PDE4DIP: variants seen among roughly 807,000 people sequenced by gnomAD.
PDE4DIP encodes the protein myomegalin.
In PDE4DIP, 59 loss-of-function variants were observed where a neutral mutation model predicts 221.4. That is an observed-to-expected ratio of 0.27 (90% CI 0.22 to 0.33). The LOEUF is 0.33. Among genes scored for constraint, PDE4DIP ranks in the 10% least tolerant of loss-of-function variants. The pLI is 1.00. For synonymous variants in PDE4DIP, 404 were observed against 815.9 expected (o/e 0.50, Z 8.60); for missense variants, 1,036 against 2,154.2 (o/e 0.48, Z 10.28).
At chr1:148,972,819 C>T (rs1436848896) in intron 16 of PDE4DIP, among the ~76,000 whole-genome samples, 8 of 151,216 alleles carry the variant, frequency 5.3e-5, no homozygotes, top group Non-Finnish European at 8.8e-5. Context: ...TATCCTTACT[C>T]TCCTTTTCAG....
At chr1:148,844,311 G>C (rs1272433719) in intron 1 of PDE4DIP, 117 bp from the exon 1 acceptor site, 6 of 657,816 alleles carry the variant, frequency 9.1e-6, no homozygotes, top group Non-Finnish European at 1.2e-5. Flanking sequence ...GGAGACGCGA[G>C]GGTGGTTCAG....
At chr1:148,953,923 A>G (rs782498769) in intron 5 of PDE4DIP, 8 of 1,597,688 alleles carry the variant, frequency 5.0e-6, no homozygotes, top group South Asian at 3.4e-5. Flanking sequence ...AAACGGCTAC[A>G]TAGTGCCTTT....
intron 21 of PDE4DIP, chr1:148,985,192 C>T (rs1553548204): frequency 2.0e-5 from 3 of 152,042 alleles, no homozygotes; most frequent in Admixed American, 6.5e-5. Flanking sequence ...GCTCAGTGAG[C>T]TTTTCTTTTC....
In PDE4DIP at chr1:148,940,588, A is replaced by G. The variant is rs1191205206; in HGVS notation, c.636+2724A>G. ...ATTGCTTATGGCCACCTCAGGACCCATGCACCACCCTGAGAGCTGAGGGGA... is the reference window on the plus strand; with the variant it reads ...ATTGCTTATGGCCACCTCAGGACCCGTGCACCACCCTGAGAGCTGAGGGGA... On this transcript the variant is annotated intron_variant, in intron 5 of 43. Transcript: ENST00000369354. 4.6e-5 allele frequency among the ~76,000 whole-genome samples: 7 copies of G among 152,078 alleles called. No homozygotes were observed. The East Asian group carries it at 9.7e-4, about 21-fold the overall frequency.
chr1:148,969,873 G>A (rs1192811000), intron 14 of PDE4DIP, among the ~76,000 whole-genome samples: 1 of 151,882 alleles, frequency 6.6e-6, no homozygotes, highest in Non-Finnish European at 1.5e-5. Context: ...TGCCCGCTAA[G>A]TTTTGTATTT....
At chr1:148,890,492 GCC>G (rs1698115823) in intron 1 of PDE4DIP, among the ~76,000 whole-genome samples, 1 of 124,838 alleles carries the variant, frequency 8.0e-6, no homozygotes, top group South Asian at 2.8e-4. Flanking sequence ...AGTGGCTCAT[GCC>G]TGTAATCCCA....
At chr1:148,911,944 G>A (rs2042841568) in intron 1 of PDE4DIP, among the ~76,000 whole-genome samples, 1 of 148,954 alleles carries the variant, frequency 6.7e-6, no homozygotes, top group South Asian at 2.1e-4. Flanking sequence ...TCACAGGAGT[G>A]ACATTCCTTC....
chr1:148,967,462 C>T (rs1296397378), intron 12 of PDE4DIP, among the ~76,000 whole-genome samples: 10 of 151,548 alleles, frequency 6.6e-5, no homozygotes, highest in South Asian at 4.2e-4. Flanking sequence ...GCCACTTTTT[C>T]GAGAAATCCT....
rs1553639505 is a variant in PDE4DIP at position 149,032,280 on chromosome 1, C to A, written c.*295C>A. 6.7e-5 allele frequency: 40 copies of A among 598,174 alleles called. 1 individual carries two copies. Among genetic ancestry groups the A allele is most frequent in the South Asian group, 3.6e-4 (18 of 49,918 alleles). 37.1% of individuals were successfully genotyped at this position (598,174 alleles called of 1,614,324 possible). A position where few individuals can be genotyped will look rare whatever the true frequency, so the allele number is the denominator to read the frequency against. On this transcript the variant is annotated 3_prime_UTR_variant, in exon 44 of 44. Transcript: ENST00000369354. Reference sequence around the variant, plus strand: ...TTGCACAGAAGGTTTTGTGATCCTGCCTCTCAACAGCCCCAGCAGCTTGGG... The same window carrying A: ...TTGCACAGAAGGTTTTGTGATCCTGACTCTCAACAGCCCCAGCAGCTTGGG...
intron 1 of PDE4DIP, among the ~76,000 whole-genome samples, chr1:148,916,967 G>A (rs1553458824): frequency 6.7e-6 from 1 of 149,478 alleles, no homozygotes; most frequent in African/African-American, 2.5e-5. Context: ...GGTGTCCTGG[G>A]GCATTACAGG....
intron 9 of PDE4DIP, among the ~76,000 whole-genome samples, chr1:148,963,924 T>C (rs1327206064): frequency 1.3e-5 from 2 of 148,976 alleles, no homozygotes; most frequent in East Asian, 2.0e-4. Flanking sequence ...GCCCGGCTAA[T>C]TTTTTTTGCA....
chr1:148,897,828 A>C (rs587637947), intron 1 of PDE4DIP, among the ~76,000 whole-genome samples: 29 of 148,704 alleles, frequency 2.0e-4, no homozygotes, highest in African/African-American at 7.1e-4. Context: ...AACTTTCCCC[A>C]AAAAAGTCAG....
At chr1:148,953,995 A>G in intron 5 of PDE4DIP, 1 of 739,154 alleles carries the variant, frequency 1.4e-6, no homozygotes, top group Non-Finnish European at 2.4e-6. Context: ...GGTTAGAAAT[A>G]TTCTGGACTT....
exon 31 of PDE4DIP, chr1:149,010,556 C>A (rs1553604482): frequency 1.2e-6 from 2 of 1,614,096 alleles, no homozygotes; most frequent in South Asian, 1.1e-5. Flanking sequence ...CTTGCCAACT[C>A]CCCAGAATAC....
chr1:149,015,591 T>C (rs1370294469), intron 32 of PDE4DIP, among the ~76,000 whole-genome samples: 2 of 152,086 alleles, frequency 1.3e-5, no homozygotes, highest in Admixed American at 1.3e-4. Context: ...TTTCAAAGGA[T>C]CTATGAAAGT....
intron 10 of PDE4DIP, among the ~76,000 whole-genome samples, chr1:148,966,067 TAAG>T (rs1282862710): frequency 4.3e-5 from 1 of 23,464 alleles, no homozygotes; most frequent in Non-Finnish European, 8.4e-5. Flanking sequence ...GATGGAGCAT[TAAG>T]AAGAGACTGA....
chr1:148,933,512 C>T (rs1445226358), intron 4 of PDE4DIP, among the ~76,000 whole-genome samples: 2 of 152,320 alleles, frequency 1.3e-5, no homozygotes, highest in African/African-American at 4.8e-5. Flanking sequence ...CTGCTCCTCT[C>T]ATTCAATCTC....
intron 2 of PDE4DIP, among the ~76,000 whole-genome samples, chr1:148,864,240 C>CA (rs1171659816): frequency 8.0e-6 from 1 of 124,692 alleles, no homozygotes; most frequent in Non-Finnish European, 1.7e-5. Context: ...GACTCAGTCT[C>CA]AAAAAAAATT....
intron 1 of PDE4DIP, among the ~76,000 whole-genome samples, chr1:148,862,136 A>G (rs56405517): frequency 6.4e-5 from 9 of 141,392 alleles, no homozygotes; most frequent in Non-Finnish European, 1.2e-4. Context: ...AATCCCCTCT[A>G]CCTCCTCCTA....
Sources: allele counts gnomAD v4.1 joint callset (sites outside exome capture counted in the v4.1 genomes callset), GRCh38; gene constraint gnomAD v4.1.1; transcripts MANE v1.5; gene names NCBI Gene and HGNC (gene_info 2026-07-23, HGNC 2026-07-21).